Variants in PDGFB observed in about 807,000 individuals in gnomAD.
The protein encoded by PDGFB is platelet derived growth factor subunit B, also known as platelet-derived growth factor subunit B.
Under a neutral mutation model 29.0 loss-of-function variants are expected in PDGFB, and 6 were observed. That is an observed-to-expected ratio of 0.21 (90% CI 0.11 to 0.41). The LOEUF (loss-of-function observed/expected upper bound fraction) is 0.41, where lower values mean the gene tolerates loss of function less well. PDGFB is among the 10% of genes least tolerant of loss of function. The probability of loss-of-function intolerance (pLI) is 1.00; values close to 1 mark genes in which losing one functional copy is unlikely to be tolerated. For synonymous variants in PDGFB, 144 were observed against 140.8 expected (o/e 1.02, Z -0.16); for missense variants, 299 against 341.8 (o/e 0.87, Z 0.99).
At chr22:39,226,462 G>A (rs1364981789) in intron 5 of PDGFB, among the ~76,000 whole-genome samples, 2 of 152,138 alleles carry the variant, frequency 1.3e-5, no homozygotes, top group Non-Finnish European at 2.9e-5. Context: ...ACTACAGGGA[G>A]AGGAAAAGAG....
chr22:39,243,264 CTCTCTCTCTT>C lies in PDGFB; in HGVS notation c.63+627_63+636del, dbSNP rs1295567121. On this transcript the variant is annotated intron_variant, in intron 1 of 6. Coordinates refer to ENST00000331163, the MANE Select transcript of PDGFB (RefSeq NM_002608.4). This position sits in a 1 kb window ranked among gnomAD's most constrained non-coding sequence, Gnocchi z 6.4. ...CGTCTCTCTCTCCGTCTCTCTCTCT[CTCTCTCTCTT>C]TCTCTCTCTCTCTCTCTCTCTCCCT... Among the ~76,000 whole-genome samples the C allele has an allele frequency of 4.7e-5, 7 of 149,992 alleles. No homozygotes were observed. Among genetic ancestry groups the C allele is most frequent in the Admixed American group, 6.6e-5 (1 of 15,212 alleles).
Position 39,233,604 on chromosome 22 carries a change from G to A in PDGFB, c.161-80C>T, listed in dbSNP as rs9622979. The A allele has an allele frequency of 0.068, 66,605 of 978,628 alleles. 3,400 individuals are homozygous for A. Among genetic ancestry groups the A allele is most frequent in the African/African-American group, 0.19 (11,316 of 59,156 alleles). 60.6% of individuals were successfully genotyped at this position (978,628 alleles called of 1,614,324 possible). ...CCTCCGCCGGGGTGTCTGGGCAGGC[G>A]GGAGGTTTGCCTCTCCCCCACTCCA... On this transcript the variant is annotated intron_variant, in intron 2 of 6. Coordinates refer to ENST00000331163, the MANE Select transcript of PDGFB (RefSeq NM_002608.4).
intron 1 of PDGFB, chr22:39,241,070 G>T: frequency 1.6e-6 from 1 of 639,470 alleles, no homozygotes; most frequent in Non-Finnish European, 2.8e-6. Flanking sequence ...CATTAGCAAA[G>T]CCAGAGGAAG....
chr22:39,235,027 G>A (rs1404539743), intron 2 of PDGFB, among the ~76,000 whole-genome samples: 1 of 152,208 alleles, frequency 6.6e-6, no homozygotes, highest in Non-Finnish European at 1.5e-5. Flanking sequence ...CAGCACAGGC[G>A]GGATTGAAAG....
rs1002179391 is a variant in PDGFB, at chr22:39,233,320, G to T, written c.250+115C>A. The T allele has an allele frequency of 4.4e-6, 3 of 675,006 alleles. No homozygotes were observed. The African/African-American group carries it at 5.7e-5, about 13-fold the overall frequency. The allele number at this position is 675,006 out of a possible 1,614,324, so 41.8% of individuals were successfully genotyped here. On this transcript the variant is annotated intron_variant, in intron 3 of 6. Transcript: ENST00000331163. ...AGTTCGCTCAGTCCTGAATGTGGGG[G>T]GAACGGGAGTTGTAAGAGGACCCTC...
chr22:39,229,707 T>G (rs536674614), intron 5 of PDGFB, among the ~76,000 whole-genome samples: 3 of 152,308 alleles, frequency 2.0e-5, no homozygotes, highest in African/African-American at 7.2e-5. Flanking sequence ...AGGAGGTGAC[T>G]TCTGAGCTGA....
intron 5 of PDGFB, 150 bp downstream of exon 5, chr22:39,229,934 C>G: frequency 1.0e-6 from 1 of 960,132 alleles, no homozygotes. Context: ...CAGGGAGGAA[C>G]CTGGCTTGTG....
chr22:39,235,301 C>T (rs1932414807), intron 2 of PDGFB, among the ~76,000 whole-genome samples: 1 of 152,200 alleles, frequency 6.6e-6, no homozygotes, highest in South Asian at 2.1e-4. Context: ...CCAGCCCCGC[C>T]ACGTGTGTGC....
Position 39,244,078 on chromosome 22 carries a change from T to A in PDGFB, c.-115A>T, listed in dbSNP as rs1932637060. On this transcript the variant is annotated 5_prime_UTR_variant, in exon 1 of 7. The change abolishes the stop of an existing upstream ORF in the 5' untranslated region. Coordinates refer to ENST00000331163, the MANE Select transcript of PDGFB (RefSeq NM_002608.4). The surrounding 1 kb of genome is among the most constrained non-coding windows in gnomAD (Gnocchi z 4.5). ...TGGGCTCGGCTCGGGTCCGCGGCGA[T>A]CAGGCGCTCAGGCCTCTGCAGCCGC... The A allele has an allele frequency of 2.0e-6, 1 of 508,296 alleles. No individual in the cohort carries two copies. Among genetic ancestry groups the A allele is most frequent in the Non-Finnish European group, 3.2e-6 (1 of 316,480 alleles). The allele number at this position is 508,296 out of a possible 1,614,324, so 31.5% of individuals were successfully genotyped here. A position where few individuals can be genotyped will look rare whatever the true frequency, so the allele number is the denominator to read the frequency against.
chr22:39,243,267 TC>T lies in PDGFB; in HGVS notation c.63+633del, dbSNP rs1368389152. 2.6e-3 allele frequency among the ~76,000 whole-genome samples: 390 copies of T among 150,016 alleles called. 1 individual carries two copies. The highest frequency in any genetic ancestry group is 3.5e-3 in the Middle Eastern group (1 of 288). On this transcript the variant is annotated intron_variant, in intron 1 of 6. Transcript: ENST00000331163. The surrounding 1 kb of genome is among the most constrained non-coding windows in gnomAD (Gnocchi z 6.4). ...CTCTCTCTCCGTCTCTCTCTCTCTC[TC>T]TCTCTTTCTCTCTCTCTCTCTCTCT...
intron 1 of PDGFB, chr22:39,241,244 C>T (rs933941302): frequency 2.6e-5 from 11 of 428,534 alleles, no homozygotes; most frequent in Non-Finnish European, 4.7e-5. Context: ...CCCTGCCTCA[C>T]GGCTGCCTGC....
In PDGFB at chr22:39,228,893, A is replaced by AAAAAAAAAAAAAATATAT. The variant is rs1184799325; in HGVS notation, c.601+1190_601+1191insATATATTTTTTTTTTTTT. On this transcript the variant is annotated intron_variant, in intron 5 of 6. Coordinates refer to ENST00000331163, the MANE Select transcript of PDGFB (RefSeq NM_002608.4). The stretch of plus-strand genomic sequence containing the variant: ...GACAGGGTGAGACTGCCTCAAAAAA[A>AAAAAAAAAAAAAATATAT]ATATATATATATATAGATATATATA... 4.1e-4 allele frequency among the ~76,000 whole-genome samples: 54 copies of AAAAAAAAAAAAAATATAT among 132,600 alleles called. 1 individual carries two copies. The highest frequency in any genetic ancestry group is 7.7e-4 in the Non-Finnish European group (46 of 59,798). The allele number at this position is 132,600 out of a possible 152,430, so 87.0% of individuals were successfully genotyped here.
intron 1 of PDGFB, among the ~76,000 whole-genome samples, chr22:39,240,493 T>A (rs1932541491): frequency 7.7e-6 from 1 of 129,224 alleles, no homozygotes; most frequent in Non-Finnish European, 1.7e-5. Flanking sequence ...CAGACATGCT[T>A]CTCTCTCAAG....
intron 5 of PDGFB, among the ~76,000 whole-genome samples, chr22:39,229,604 A>G (rs1932247174): frequency 6.6e-6 from 1 of 152,126 alleles, no homozygotes; most frequent in African/African-American, 2.4e-5. Flanking sequence ...TCCTTCCACC[A>G]TCCCATCCCC....
chr22:39,234,377 CT>C (rs1932389837), intron 2 of PDGFB, among the ~76,000 whole-genome samples: 2 of 152,190 alleles, frequency 1.3e-5, no homozygotes, highest in African/African-American at 4.8e-5. Context: ...AGGGAGGCCT[CT>C]GAGCTGGATG....
intron 5 of PDGFB, among the ~76,000 whole-genome samples, chr22:39,228,917 T>TATATATAA (rs1311126916): frequency 6.7e-6 from 1 of 148,750 alleles, no homozygotes; most frequent in Non-Finnish European, 1.5e-5. Context: ...TAGATATATA[T>TATATATAA]AATTTTCCCT....
chr22:39,233,196 C>T (rs768129721), intron 3 of PDGFB, among the ~76,000 whole-genome samples: 31 of 152,288 alleles, frequency 2.0e-4, no homozygotes, highest in Middle Eastern at 3.4e-3. Context: ...AAATAAGGAA[C>T]GAATGAGCTT....
chr22:39,229,148 T>G (rs1487078677), intron 5 of PDGFB, among the ~76,000 whole-genome samples: 1 of 152,158 alleles, frequency 6.6e-6, no homozygotes, highest in Non-Finnish European at 1.5e-5. Context: ...GAAAAAGAAC[T>G]ATCACTTACG....
intron 1 of PDGFB, among the ~76,000 whole-genome samples, chr22:39,241,400 G>A (rs1272307484): frequency 6.6e-6 from 1 of 152,228 alleles, no homozygotes; most frequent in South Asian, 2.1e-4. Context: ...TCCCCATGCA[G>A]GTCCCCTCCC....
Sources: allele counts gnomAD v4.1 joint callset (sites outside exome capture counted in the v4.1 genomes callset), GRCh38; gene constraint gnomAD v4.1.1; non-coding constraint Gnocchi (gnomAD v3.1); transcripts MANE v1.5; gene names NCBI Gene and HGNC (gene_info 2026-07-23, HGNC 2026-07-21).